The following MSRA variants were observed in gnomAD, a reference collection of about 807,000 sequenced individuals.
The protein encoded by MSRA is methionine sulfoxide reductase A.
A neutral mutation model predicts 31.3 loss-of-function variants in MSRA; 54 were observed. The observed-to-expected ratio is 1.73, with a 90% CI of 1.39 to 2.17. MSRA has a LOEUF of 2.17. Among genes scored for constraint, MSRA ranks in the 30% most tolerant of loss-of-function variants. The probability of loss-of-function intolerance (pLI) is 0.00; values close to 1 mark genes in which losing one functional copy is unlikely to be tolerated. For synonymous variants in MSRA, 169 were observed against 116.5 expected (o/e 1.45, Z -2.90); for missense variants, 507 against 300.9 (o/e 1.69, Z -5.07).
chr8:10,162,013 C>T (rs1239636183), intron 1 of MSRA, among the ~76,000 whole-genome samples: 3 of 152,162 alleles, frequency 2.0e-5, no homozygotes, highest in South Asian at 2.1e-4. Context: ...GCCCACAGGA[C>T]GCCGCCCCTC....
intron 1 of MSRA, among the ~76,000 whole-genome samples, chr8:10,169,695 C>G (rs891133239): frequency 1.3e-5 from 2 of 152,114 alleles, no homozygotes; most frequent in African/African-American, 2.4e-5. Flanking sequence ...ATGTTCATTC[C>G]CAAGCATTTC....
chr8:10,177,588 T>C (rs920413536), intron 1 of MSRA, among the ~76,000 whole-genome samples: 1 of 152,228 alleles, frequency 6.6e-6, no homozygotes, highest in African/African-American at 2.4e-5. Flanking sequence ...TATATCAGAA[T>C]TGACTTAAAA....
chr8:10,271,603 C>T (rs910152623), intron 3 of MSRA, among the ~76,000 whole-genome samples: 10 of 35,152 alleles, frequency 2.8e-4, no homozygotes, highest in Admixed American at 2.0e-3. Context: ...TTTATCTCTA[C>T]AAAAAATTCC....
intron 1 of MSRA, among the ~76,000 whole-genome samples, chr8:10,199,714 C>T (rs1354094818): frequency 6.6e-6 from 1 of 152,030 alleles, no homozygotes; most frequent in African/African-American, 2.4e-5. Context: ...GGAAGAATGC[C>T]CTCTATTTGC....
At chr8:10,177,400 C>G (rs1427046189) in intron 1 of MSRA, among the ~76,000 whole-genome samples, 1 of 152,138 alleles carries the variant, frequency 6.6e-6, no homozygotes, top group South Asian at 2.1e-4. Flanking sequence ...GGTATGGCAT[C>G]CTAGAGTCGA....
intron 5 of MSRA, among the ~76,000 whole-genome samples, chr8:10,391,625 T>C (rs1467217996): frequency 6.6e-6 from 1 of 152,186 alleles, no homozygotes; most frequent in Non-Finnish European, 1.5e-5. Flanking sequence ...CTGGGTGAGT[T>C]CCCTGGGCCA....
At chr8:10,362,813 G>A (rs576545502) in intron 5 of MSRA, among the ~76,000 whole-genome samples, 3 of 151,850 alleles carry the variant, frequency 2.0e-5, no homozygotes, top group East Asian at 1.9e-4. Flanking sequence ...GTTTTCAAAC[G>A]CAACTGCCCG....
intron 1 of MSRA, among the ~76,000 whole-genome samples, chr8:10,055,780 G>C (rs1329967241): frequency 6.6e-6 from 1 of 152,322 alleles, no homozygotes; most frequent in East Asian, 1.9e-4. Flanking sequence ...TTGAGAGTTT[G>C]TCATCTCGTA....
intron 1 of MSRA, among the ~76,000 whole-genome samples, chr8:10,148,987 C>G (rs781762401): frequency 2.2e-4 from 32 of 148,254 alleles, no homozygotes; most frequent in South Asian, 4.2e-4. Context: ...GACATAGTGT[C>G]ACTCTGTCGC....
intron 3 of MSRA, among the ~76,000 whole-genome samples, chr8:10,299,915 A>G (rs1800751109): frequency 6.6e-6 from 1 of 152,266 alleles, no homozygotes; most frequent in African/African-American, 2.4e-5. Flanking sequence ...GAAGCATGGA[A>G]AAATATTTAC....
At chr8:10,290,465 T>A (rs1188234092) in intron 3 of MSRA, among the ~76,000 whole-genome samples, 1 of 152,180 alleles carries the variant, frequency 6.6e-6, no homozygotes, top group Non-Finnish European at 1.5e-5. Context: ...TCTGTCCATT[T>A]CCTCCTTTGT....
chr8:10,237,341 G>T (rs1050423926), intron 2 of MSRA, among the ~76,000 whole-genome samples: 2 of 152,188 alleles, frequency 1.3e-5, no homozygotes, highest in African/African-American at 4.8e-5. Flanking sequence ...TTATAGAGAT[G>T]GGCTTCCAGG....
intron 1 of MSRA, among the ~76,000 whole-genome samples, chr8:10,160,604 C>G (rs939160987): frequency 5.9e-5 from 9 of 152,252 alleles, no homozygotes; most frequent in East Asian, 1.9e-4. Flanking sequence ...GGATCCTATT[C>G]TCACTGCAAC....
chr8:10,109,109 A>G (rs1327299791), intron 1 of MSRA, among the ~76,000 whole-genome samples: 1 of 152,138 alleles, frequency 6.6e-6, no homozygotes, highest in Non-Finnish European at 1.5e-5. Flanking sequence ...TCCTCTTGGC[A>G]TTAAAATTGT....
intron 1 of MSRA, among the ~76,000 whole-genome samples, chr8:10,132,940 G>C (rs752484631): frequency 6.6e-6 from 1 of 152,230 alleles, no homozygotes; most frequent in Admixed American, 6.5e-5. Flanking sequence ...CAGGCCAGAA[G>C]GTTCTACAAT....
At chr8:10,216,882 C>T (rs78264638) in intron 2 of MSRA, among the ~76,000 whole-genome samples, 17 of 152,338 alleles carry the variant, frequency 1.1e-4, no homozygotes, top group African/African-American at 3.8e-4. Context: ...ACAGATCTCT[C>T]TTCAAGTCCC....
chr8:10,395,881 C>T (rs992321475), intron 5 of MSRA, among the ~76,000 whole-genome samples: 2 of 152,174 alleles, frequency 1.3e-5, no homozygotes, highest in Non-Finnish European at 1.5e-5. Flanking sequence ...CATCCCCCTT[C>T]TGTACAAAAG....
rs571316769 is a variant in MSRA at position 10,084,347 on chromosome 8, A to G, written c.142+29689A>G. ...TGCGGCCCTCTGCTGCCTGCAGCTA[A>G]CGACAGTGACCCCTGCCCGGCTCCA... On this transcript the variant is annotated intron_variant, in intron 1 of 5. Transcript: ENST00000317173. Among the ~76,000 whole-genome samples the G allele has an allele frequency of 3.3e-5, 5 of 152,370 alleles. No homozygotes were observed. The South Asian group carries it at 1.0e-3, about 32-fold the overall frequency.
At chr8:10,299,570 TATA>T (rs1295644066) in intron 3 of MSRA, among the ~76,000 whole-genome samples, 6 of 152,060 alleles carry the variant, frequency 3.9e-5, no homozygotes, top group African/African-American at 1.2e-4. Context: ...AAAATATTAA[TATA>T]ATAATAACCC....
Sources: allele counts gnomAD v4.1 joint callset (sites outside exome capture counted in the v4.1 genomes callset), GRCh38; gene constraint gnomAD v4.1.1; transcripts MANE v1.5; gene names NCBI Gene and HGNC (gene_info 2026-07-23, HGNC 2026-07-21).